Variants in TCAIM observed in about 807,000 individuals in gnomAD.
The protein encoded by TCAIM is T cell activation inhibitor, mitochondrial, also known as T-cell activation inhibitor, mitochondrial.
A neutral mutation model predicts 58.6 loss-of-function variants in TCAIM; 36 were observed. The observed-to-expected ratio is 0.61, with a 90% CI of 0.47 to 0.81. The LOEUF is 0.81. TCAIM is among the 30% of genes least tolerant of loss of function. TCAIM has a pLI of 0.00. For missense variants in TCAIM, 466 were observed against 579.6 expected (o/e 0.80, Z 2.01); for synonymous variants, 172 against 193.6 (o/e 0.89, Z 0.93).
At chr3:44,392,122 T>A (rs1014538755) in intron 5 of TCAIM, among the ~76,000 whole-genome samples, 1 of 152,244 alleles carries the variant, frequency 6.6e-6, no homozygotes, top group African/African-American at 2.4e-5. Context: ...ACAGGTTTGA[T>A]ATAATTAAAA....
chr3:44,369,117 A>C (rs1009686080), intron 5 of TCAIM, among the ~76,000 whole-genome samples: 5 of 152,216 alleles, frequency 3.3e-5, no homozygotes, highest in Non-Finnish European at 7.3e-5. Flanking sequence ...AGATAATTTA[A>C]GGTTAATTGC....
chr3:44,392,773 C>G (rs184908372), intron 5 of TCAIM, 82 bp from the exon 6 acceptor site: 2 of 1,312,762 alleles, frequency 1.5e-6, no homozygotes, highest in Admixed American at 4.4e-5. Context: ...TGTGAATATG[C>G]AAGTGCATGC....
chr3:44,361,921 AGAATATGAGTCTTG>A (rs1452914055), intron 4 of TCAIM, among the ~76,000 whole-genome samples: 2 of 152,212 alleles, frequency 1.3e-5, no homozygotes, highest in African/African-American at 4.8e-5. Flanking sequence ...CCAGAGAGAA[AGAATATGAGTCTTG>A]AACCCAGGTC....
At chr3:44,367,015 A>G (rs544995308) in intron 4 of TCAIM, among the ~76,000 whole-genome samples, 2 of 152,212 alleles carry the variant, frequency 1.3e-5, no homozygotes, top group South Asian at 4.1e-4. Flanking sequence ...GACCACTGAG[A>G]CTAGATTATA....
At chr3:44,367,738 G>T in intron 5 of TCAIM, 30 bp downstream of exon 5, 2 of 1,548,972 alleles carry the variant, frequency 1.3e-6, no homozygotes, top group African/African-American at 1.4e-5. Flanking sequence ...TAACTAAACT[G>T]TATTTGTAGT....
intron 1 of TCAIM, among the ~76,000 whole-genome samples, chr3:44,346,633 C>T (rs544668855): frequency 7.2e-5 from 11 of 152,252 alleles, no homozygotes; most frequent in South Asian, 4.1e-4. Flanking sequence ...GGCACGCTAG[C>T]GGCTTGTAAT....
At chr3:44,372,009 A>AAG (rs1701479115) in intron 5 of TCAIM, among the ~76,000 whole-genome samples, 16 of 115,566 alleles carry the variant, frequency 1.4e-4, no homozygotes, top group African/African-American at 3.8e-4. Context: ...AGAGAAAGAG[A>AAG]GAAGGAAGGA....
intron 7 of TCAIM, 26 bp from the exon 8 acceptor site, chr3:44,396,717 C>G (rs970835443): frequency 6.2e-7 from 1 of 1,608,690 alleles, no homozygotes; most frequent in Non-Finnish European, 8.5e-7. Context: ...TCGACCATGA[C>G]CAAAGGTTTT....
chr3:44,355,357 G>A (rs926156013), intron 2 of TCAIM, among the ~76,000 whole-genome samples: 9 of 152,194 alleles, frequency 5.9e-5, no homozygotes, highest in African/African-American at 2.2e-4. Flanking sequence ...ATAAGGAGTG[G>A]TTGGAGATCA....
chr3:44,376,582 G>A (rs950509930), intron 5 of TCAIM, among the ~76,000 whole-genome samples: 19 of 151,824 alleles, frequency 1.3e-4, no homozygotes, highest in Admixed American at 7.9e-4. Context: ...AAAAGGAAAC[G>A]AGAAAGGAAT....
chr3:44,366,374 G>A (rs1482676348), intron 4 of TCAIM, among the ~76,000 whole-genome samples: 1 of 150,076 alleles, frequency 6.7e-6, no homozygotes, highest in Non-Finnish European at 1.5e-5. Context: ...TGCAACCTCC[G>A]CCTCCCAGGT....
chr3:44,397,314 C>G (rs1701950666), intron 8 of TCAIM, among the ~76,000 whole-genome samples: 1 of 152,204 alleles, frequency 6.6e-6, no homozygotes, highest in South Asian at 2.1e-4. Context: ...CCCACCACCC[C>G]CTCTCCAAGC....
At chr3:44,358,394 T>G (rs1701239564) in intron 3 of TCAIM, 1 of 633,742 alleles carries the variant, frequency 1.6e-6, no homozygotes, top group Non-Finnish European at 2.7e-6. Context: ...GAAAATACAG[T>G]CAGTCCTTCA....
intron 1 of TCAIM, among the ~76,000 whole-genome samples, chr3:44,344,281 G>A (rs1403812460): frequency 6.6e-6 from 1 of 152,120 alleles, no homozygotes; most frequent in Non-Finnish European, 1.5e-5. Flanking sequence ...ACAGGGATGA[G>A]CCACCATACC....
chr3:44,392,080 TA>T (rs1429426691), intron 5 of TCAIM, among the ~76,000 whole-genome samples: 5 of 152,208 alleles, frequency 3.3e-5, no homozygotes, highest in African/African-American at 9.6e-5. Flanking sequence ...ATTTTTAATT[TA>T]AAAAAATATT....
At chr3:44,370,316 C>T (rs978699305) in intron 5 of TCAIM, among the ~76,000 whole-genome samples, 3 of 152,042 alleles carry the variant, frequency 2.0e-5, no homozygotes, top group South Asian at 4.2e-4. Flanking sequence ...AAAAAATTAG[C>T]GTGGTGGTGG....
At chr3:44,360,996 A>G (rs183736236) in intron 3 of TCAIM, among the ~76,000 whole-genome samples, 1 of 152,350 alleles carries the variant, frequency 6.6e-6, no homozygotes, top group Admixed American at 6.5e-5. Flanking sequence ...ATTATCCCAC[A>G]CTTGCCTGCA....
chr3:44,393,122 G>A (rs755431572), intron 6 of TCAIM, 145 bp downstream of exon 6: 27 of 704,984 alleles, frequency 3.8e-5, no homozygotes, highest in Non-Finnish European at 6.0e-5. Flanking sequence ...ATCATGAAAT[G>A]TTCATCTGTG....
At chr3:44,363,946 T>C (rs1701330277) in intron 4 of TCAIM, among the ~76,000 whole-genome samples, 1 of 88,540 alleles carries the variant, frequency 1.1e-5, no homozygotes, top group Non-Finnish European at 2.5e-5. Flanking sequence ...TTTTTTTTTT[T>C]TCATACGGAG....
Sources: allele counts gnomAD v4.1 joint callset (sites outside exome capture counted in the v4.1 genomes callset), GRCh38; gene constraint gnomAD v4.1.1; transcripts MANE v1.5; gene names NCBI Gene and HGNC (gene_info 2026-07-23, HGNC 2026-07-21).